Variants in FRMPD4 observed in about 807,000 individuals in gnomAD.
The protein encoded by FRMPD4 is FERM and PDZ domain containing 4.
A neutral mutation model predicts 94.1 loss-of-function variants in FRMPD4; 22 were observed. The observed-to-expected ratio is 0.23, with a 90% confidence interval of 0.17 to 0.33. The LOEUF (loss-of-function observed/expected upper bound fraction) is 0.33. Ranked by LOEUF, FRMPD4 falls within the 10% of genes least tolerant of loss-of-function variation. The pLI, the probability that FRMPD4 is intolerant of heterozygous loss-of-function variation, is 1.00. For missense variants in FRMPD4, 1,111 were observed against 1,339.9 expected (o/e 0.83, Z 2.67); for synonymous variants, 631 against 548.6 (o/e 1.15, Z -2.10).
intron 1 of FRMPD4, among the ~76,000 whole-genome samples, chrX:12,217,278 G>T (rs1342116125): frequency 9.0e-6 from 1 of 111,374 alleles, no homozygotes; most frequent in East Asian, 2.8e-4. Flanking sequence ...GTAGCTTTAG[G>T]ATTTATCAAA....
intron 3 of FRMPD4, among the ~76,000 whole-genome samples, chrX:12,030,601 C>A (rs950409277): frequency 1.8e-5 from 2 of 112,069 alleles, no homozygotes; most frequent in African/African-American, 3.2e-5. Flanking sequence ...AGGCATCTAA[C>A]AATTTATTTG....
chrX:12,107,870 G>GA (rs374340593), intron 3 of FRMPD4, among the ~76,000 whole-genome samples: 29 of 109,871 alleles, frequency 2.6e-4, no homozygotes, highest in African/African-American at 5.9e-4. Flanking sequence ...GAAGTTTAGA[G>GA]AAAAAAAAAG....
intron 1 of FRMPD4, among the ~76,000 whole-genome samples, chrX:12,273,481 A>G (rs1025605962): frequency 2.7e-5 from 3 of 112,393 alleles, no homozygotes; most frequent in African/African-American, 9.7e-5. Flanking sequence ...ATTATTTTCC[A>G]AATACAGATT....
At chrX:12,568,058 C>T (rs1293355302) in intron 2 of FRMPD4, among the ~76,000 whole-genome samples, 1 of 111,067 alleles carries the variant, frequency 9.0e-6, no homozygotes, top group East Asian at 2.8e-4. Flanking sequence ...TACAGGCTTC[C>T]AGGGCTCAGT....
chrX:12,039,969 A>C (rs1351780636), intron 3 of FRMPD4, among the ~76,000 whole-genome samples: 3 of 99,373 alleles, frequency 3.0e-5, no homozygotes, highest in Admixed American at 1.1e-4. Context: ...AACTTTGTCA[A>C]AAAAAAAAAA....
intron 1 of FRMPD4, among the ~76,000 whole-genome samples, chrX:12,289,876 T>A (rs1051552957): frequency 3.6e-5 from 4 of 111,101 alleles, no homozygotes; most frequent in Non-Finnish European, 5.7e-5. Context: ...CTGAGAGGGG[T>A]TTAAAAGCAA....
intron 4 of FRMPD4, among the ~76,000 whole-genome samples, chrX:12,663,104 G>A (rs984021418): frequency 8.9e-6 from 1 of 112,004 alleles, no homozygotes; most frequent in African/African-American, 3.3e-5. Context: ...GGATATTAGC[G>A]CTTTGTCAGA....
intron 2 of FRMPD4, among the ~76,000 whole-genome samples, chrX:12,538,798 C>T (rs5978543): frequency 0.076 from 8,541 of 111,653 alleles, 805 homozygotes; most frequent in African/African-American, 0.26. Context: ...ACCAAAACCC[C>T]ATCTGTACGT....
At chrX:12,392,399 C>G (rs2056489098) in intron 1 of FRMPD4, among the ~76,000 whole-genome samples, 1 of 104,739 alleles carries the variant, frequency 9.5e-6, no homozygotes, top group Non-Finnish European at 2.0e-5. Flanking sequence ...GCCTGTAATC[C>G]CAGCACTTTG....
At chrX:12,250,072 TTGTGTGTG>T (rs72178576) in intron 1 of FRMPD4, among the ~76,000 whole-genome samples, 5 of 91,441 alleles carry the variant, frequency 5.5e-5, no homozygotes, top group East Asian at 3.4e-4. Context: ...GTTTGTGTGT[TTGTGTGTG>T]TGTGTGTGTG....
chrX:12,467,299 A>G (rs2057459632), intron 1 of FRMPD4, among the ~76,000 whole-genome samples: 1 of 111,941 alleles, frequency 8.9e-6, no homozygotes, highest in South Asian at 3.7e-4. Context: ...GTGCTATGCA[A>G]TAGAGCTTGT....
chrX:12,177,533 G>A (rs774376678), intron 1 of FRMPD4, among the ~76,000 whole-genome samples: 1 of 112,358 alleles, frequency 8.9e-6, no homozygotes, highest in East Asian at 2.8e-4. Context: ...ACTTTGAAAA[G>A]CAATTTTAGT....
chrX:12,660,163 G>A (rs1442476254), intron 4 of FRMPD4, among the ~76,000 whole-genome samples: 1 of 112,179 alleles, frequency 8.9e-6, no homozygotes, highest in East Asian at 2.8e-4. Flanking sequence ...AAAGATTTCT[G>A]ATTTCTCCCT....
intron 1 of FRMPD4, among the ~76,000 whole-genome samples, chrX:12,222,125 G>C (rs2056875432): frequency 9.0e-6 from 1 of 111,427 alleles, no homozygotes; most frequent in Non-Finnish European, 1.9e-5. Context: ...TTGAGCTTCG[G>C]AGTTCGAGAC....
At chrX:12,211,459 A>C (rs1206048512) in intron 1 of FRMPD4, among the ~76,000 whole-genome samples, 2 of 112,240 alleles carry the variant, frequency 1.8e-5, no homozygotes, top group African/African-American at 6.5e-5. Context: ...TTCTATCTGC[A>C]TGTTTAGTTT....
At chrX:11,832,187 T>C (rs2053478855) in intron 1 of FRMPD4, among the ~76,000 whole-genome samples, 1 of 111,608 alleles carries the variant, frequency 9.0e-6, no homozygotes, top group African/African-American at 3.3e-5. Flanking sequence ...CCAATGCCCA[T>C]CTGTCTTGCA....
In FRMPD4 at chrX:11,923,036, T is replaced by C. The variant is rs1048024650; in HGVS notation, c.95+45018T>C. On this transcript the variant is annotated intron_variant, in intron 3 of 18. Coordinates refer to the FRMPD4 transcript ENST00000640291. ...GGACCATGCCTGACCAGTGGAGCGC[T>C]CCAGTGAGGTAGCCCCTTTGGCCAT... 5.9e-4 allele frequency among the ~76,000 whole-genome samples: 66 copies of C among 112,629 alleles called. No individual in the cohort carries two copies. The Admixed American group carries it at 6.0e-3, about 10-fold the overall frequency.
chrX:12,367,321 G>A (rs1051325678), intron 1 of FRMPD4, among the ~76,000 whole-genome samples: 5 of 112,038 alleles, frequency 4.5e-5, no homozygotes, highest in African/African-American at 9.7e-5. Context: ...GCCCCTTCCC[G>A]ATCCCATTCC....
intron 2 of FRMPD4, among the ~76,000 whole-genome samples, chrX:12,559,387 C>T (rs988960324): frequency 3.6e-5 from 4 of 111,766 alleles, no homozygotes; most frequent in African/African-American, 9.8e-5. Flanking sequence ...TGGTGGCTCA[C>T]GCCTGTGATT....
Sources: gnomAD v4.1 joint callset for allele counts (sites outside exome capture counted in the v4.1 genomes callset) on GRCh38, gnomAD v4.1.1 for gene constraint, MANE v1.5 for transcripts, NCBI Gene and HGNC (gene_info 2026-07-23, HGNC 2026-07-21) for gene names.